Variants in EML6 observed in about 807,000 individuals in gnomAD.
EML6 encodes echinoderm microtubule-associated protein-like 6.
EML6 carries 154 observed loss-of-function variants against 240.1 expected under a neutral mutation model. That is an observed-to-expected ratio of 0.64 (90% CI 0.56 to 0.73). EML6 has a LOEUF of 0.73. Ranked by LOEUF, EML6 falls within the 30% of genes least tolerant of loss-of-function variation. The pLI, the probability that EML6 is intolerant of heterozygous loss-of-function variation, is 0.00. For synonymous variants in EML6, 1,148 were observed against 899.0 expected, an observed-to-expected ratio of 1.28 and a Z score of -4.95; for missense variants, 2,964 against 2,474.6, an observed-to-expected ratio of 1.20 and a Z score of -4.20.
intron 2 of EML6, among the ~76,000 whole-genome samples, chr2:54,797,617 C>A: frequency 1.0e-5 from 1 of 97,944 alleles, no homozygotes; most frequent in East Asian, 2.6e-4. Context: ...TAGAAAACTT[C>A]TTTATTGTAA....
rs563188419 is a variant in EML6 at position 54,788,202 on chromosome 2, G to C, written c.198-25030G>C. Among the ~76,000 whole-genome samples, 5 of 152,332 alleles carry C rather than the reference G, an allele frequency of 3.3e-5. 1 individual carries two copies. The highest frequency in any genetic ancestry group is 1.2e-4 in the African/African-American group (5 of 41,560). On this transcript the variant is annotated intron_variant, in intron 2 of 41. Coordinates refer to ENST00000356458, the MANE Select transcript of EML6 (RefSeq NM_001039753.4). Reference sequence around the variant, plus strand: ...TCGCTCGCTAGCTGCCCACTTACTGGTTGAGCACATAGGTTCCAGATGGCT... The same window carrying C: ...TCGCTCGCTAGCTGCCCACTTACTGCTTGAGCACATAGGTTCCAGATGGCT...
chr2:54,902,716 T>G (rs928706673), intron 22 of EML6, among the ~76,000 whole-genome samples: 2 of 152,176 alleles, frequency 1.3e-5, no homozygotes, highest in Non-Finnish European at 2.9e-5. Context: ...TTACTTTTTG[T>G]ACAGGGTGGG....
chr2:54,964,867 T>C, intron 38 of EML6, 134 bp downstream of exon 38: 2 of 718,494 alleles, frequency 2.8e-6, no homozygotes, highest in Non-Finnish European at 4.4e-6. Flanking sequence ...CCTTAAGTAG[T>C]TACTTTTTCC....
chr2:54,789,987 G>C (rs150058468), intron 2 of EML6, among the ~76,000 whole-genome samples: 33 of 152,282 alleles, frequency 2.2e-4, no homozygotes, highest in African/African-American at 7.2e-4. Flanking sequence ...TCTTATTTTT[G>C]CAATGCGTAT....
chr2:54,902,390 G>C (rs763847645), intron 22 of EML6, among the ~76,000 whole-genome samples: 1 of 152,090 alleles, frequency 6.6e-6, no homozygotes, highest in Non-Finnish European at 1.5e-5. Context: ...TGGACTTGGG[G>C]AGAAGAGATA....
intron 16 of EML6, 107 bp from the exon 17 acceptor site, chr2:54,879,440 A>C (rs894092007): frequency 1.5e-5 from 11 of 731,946 alleles, no homozygotes; most frequent in Non-Finnish European, 2.3e-5. Context: ...CCATCACCTC[A>C]AATATTTATC....
intron 26 of EML6, among the ~76,000 whole-genome samples, 197 bp from the exon 27 acceptor site, chr2:54,928,116 G>A (rs1291804952): frequency 6.6e-6 from 1 of 152,154 alleles, no homozygotes; most frequent in Non-Finnish European, 1.5e-5. Context: ...ATATATTGAG[G>A]ACCTATTGTG....
chr2:54,903,823 T>G lies in EML6; in HGVS notation c.3409+321T>G, dbSNP rs570343197. ...TTTAGTTGGGAGTGCTTTCTCCTTG[T>G]CTTGGGTCCCCTCATCCTCCTCCTG... On this transcript the variant is annotated intron_variant, in intron 24 of 41. Transcript: ENST00000356458. 5.9e-5 allele frequency among the ~76,000 whole-genome samples: 9 copies of G among 152,322 alleles called. 1 individual carries two copies. The highest frequency in any genetic ancestry group is 2.2e-4 in the African/African-American group (9 of 41,580).
intron 2 of EML6, among the ~76,000 whole-genome samples, chr2:54,800,186 A>G (rs1286109885): frequency 6.6e-6 from 1 of 151,858 alleles, no homozygotes; most frequent in Admixed American, 6.6e-5. Flanking sequence ...TAGAGGTTGC[A>G]GTGAGCCGAG....
Position 54,968,206 on chromosome 2 carries a change from C to G in EML6, c.5676C>G (p.His1892Gln), listed in dbSNP as rs757460564. ...ATGTCAACTGCGCATGTGTGACCCA[C>G]GCTGGCCTGAACATTGTCACAGGAG... is the stretch of plus-strand genomic sequence containing the variant. ...KADVNCACVT[H>Q]AGLNIVTGDD... is the part of the protein sequence containing the mutation. Residue 1892 changes from histidine to glutamine, a missense_variant, in exon 40 of 42, where the codon CAC becomes CAG. By Grantham distance (24) the His-to-Gln change is conservative. Coordinates refer to ENST00000356458, the MANE Select transcript of EML6 (RefSeq NM_001039753.4). 3 of 1,551,586 alleles carry G rather than the reference C, an allele frequency of 1.9e-6. No homozygotes were observed. The highest frequency in any genetic ancestry group is 2.6e-6 in the Non-Finnish European group (3 of 1,146,976).
chr2:54,881,047 T>G (rs1207469732), intron 17 of EML6: 1 of 152,224 alleles, frequency 6.6e-6, no homozygotes, highest in Non-Finnish European at 1.5e-5. Flanking sequence ...AACACCATTA[T>G]GTTAATAACA....
intron 5 of EML6, among the ~76,000 whole-genome samples, chr2:54,824,954 A>G (rs1299618459): frequency 6.6e-6 from 1 of 152,172 alleles, no homozygotes; most frequent in Non-Finnish European, 1.5e-5. Flanking sequence ...AAGAGATAAT[A>G]TTTCAGGTAT....
Position 54,899,750 on chromosome 2 carries a change from A to G in EML6, c.3092A>G (p.His1031Arg). ...CGCATCTGGGAACTATCTGCCCAGCACCGTATGCTGGCAGTACGGAAACTC... is the reference window on the plus strand; with the variant it reads ...CGCATCTGGGAACTATCTGCCCAGCGCCGTATGCTGGCAGTACGGAAACTC... ...TLRIWELSAQ[H>R]RMLAVRKLKK... Residue 1031 changes from histidine (H) to arginine (R), a missense_variant, in exon 22 of 42, where the codon CAC becomes CGC. Coordinates refer to ENST00000356458, the MANE Select transcript of EML6 (RefSeq NM_001039753.4). 2.6e-6 allele frequency: 4 copies of G among 1,551,776 alleles called. No individual in the cohort carries two copies. Among genetic ancestry groups the G allele is most frequent in the Non-Finnish European group, 3.5e-6 (4 of 1,146,964 alleles).
intron 18 of EML6, among the ~76,000 whole-genome samples, chr2:54,892,213 T>G (rs1672509342): frequency 6.6e-6 from 1 of 152,182 alleles, no homozygotes; most frequent in Non-Finnish European, 1.5e-5. Context: ...TCTTTTCATC[T>G]TCATATCCCA....
At chr2:54,908,240 C>G (rs546910533) in intron 24 of EML6, among the ~76,000 whole-genome samples, 1 of 150,820 alleles carries the variant, frequency 6.6e-6, no homozygotes, top group East Asian at 1.9e-4. Context: ...GACAGGGTCC[C>G]ACTCTGTCAC....
intron 7 of EML6, among the ~76,000 whole-genome samples, chr2:54,841,808 G>A (rs941294104): frequency 1.3e-5 from 2 of 149,652 alleles, no homozygotes; most frequent in African/African-American, 5.1e-5. Context: ...GGCCAAGCTG[G>A]TCTCAAGCTC....
intron 26 of EML6, among the ~76,000 whole-genome samples, chr2:54,927,555 A>G (rs761859626): frequency 1.4e-4 from 21 of 152,184 alleles, no homozygotes; most frequent in Non-Finnish European, 2.8e-4. Flanking sequence ...GCTGTGGCTC[A>G]TGAGCTGAAT....
intron 2 of EML6, among the ~76,000 whole-genome samples, chr2:54,793,202 G>A (rs562809581): frequency 1.3e-4 from 20 of 152,148 alleles, no homozygotes; most frequent in Admixed American, 2.6e-4. Flanking sequence ...AGTAGGTAGA[G>A]GCTGCAGTGA....
intron 15 of EML6, 150 bp downstream of exon 15, chr2:54,869,517 C>A: frequency 1.5e-6 from 1 of 679,992 alleles, no homozygotes; most frequent in Non-Finnish European, 2.4e-6. Context: ...CTTCCAAGAT[C>A]ATGGGAGAAT....
Sources: gnomAD v4.1 joint callset for allele counts (sites outside exome capture counted in the v4.1 genomes callset) on GRCh38, gnomAD v4.1.1 for gene constraint, MANE v1.5 for transcripts, NCBI Gene and HGNC (gene_info 2026-07-23, HGNC 2026-07-21) for gene names.